The following DAAM2 variants were observed in gnomAD, a reference collection of about 807,000 sequenced individuals.
DAAM2 encodes the protein dishevelled associated activator of morphogenesis 2, also known as disheveled-associated activator of morphogenesis 2.
DAAM2 carries 39 observed loss-of-function variants against 120.7 expected under a neutral mutation model. The ratio of observed to expected loss-of-function variants is 0.32; its 90% CI spans 0.25 to 0.42. DAAM2 has a LOEUF of 0.42. DAAM2 is among the 10% of genes least tolerant of loss of function. DAAM2 has a pLI of 1.00. For synonymous variants in DAAM2, 488 were observed against 524.9 expected (o/e 0.93, Z 0.96); for missense variants, 1,283 against 1,401.7 (o/e 0.92, Z 1.35).
intron 2 of DAAM2, among the ~76,000 whole-genome samples, chr6:39,857,668 T>C (rs867497313): frequency 6.6e-6 from 1 of 152,302 alleles, no homozygotes; most frequent in Middle Eastern, 3.4e-3. Flanking sequence ...ATTCAACAGA[T>C]ATTTACTGAG....
chr6:39,837,663 C>CAA (rs758751293), intron 1 of DAAM2, among the ~76,000 whole-genome samples: 962 of 40,332 alleles, frequency 0.024, 32 homozygotes, highest in Non-Finnish European at 0.032. Flanking sequence ...AACTCCATCT[C>CAA]AAAAAAAAAA....
At chr6:39,894,623 T>A (rs57077075) in intron 19 of DAAM2, among the ~76,000 whole-genome samples, 13,579 of 151,662 alleles carry the variant, frequency 0.09, 1,241 homozygotes, top group East Asian at 0.25. Context: ...TTTAAATTTT[T>A]ACCTATTTTC....
At chr6:39,889,560 G>A (rs1424575732) in intron 17 of DAAM2, among the ~76,000 whole-genome samples, 5 of 152,070 alleles carry the variant, frequency 3.3e-5, no homozygotes, top group African/African-American at 1.2e-4. Flanking sequence ...ATAACTCCAG[G>A]GAAATGAGTA....
chr6:39,800,415 C>T (rs542761193), intron 1 of DAAM2, among the ~76,000 whole-genome samples: 1 of 152,112 alleles, frequency 6.6e-6, no homozygotes, highest in Admixed American at 6.5e-5. Flanking sequence ...ACTGAATATG[C>T]GGGAAACATA....
At position 39,901,551 on chromosome 6, in the gene DAAM2, G is replaced by A; in HGVS notation, c.2982+79G>A. On this transcript the variant is annotated intron_variant, in intron 24 of 24. Coordinates refer to ENST00000274867, the MANE Select transcript of DAAM2 (RefSeq NM_001201427.2). The surrounding 1 kb of genome is among the most constrained non-coding windows in gnomAD (Gnocchi z 4.5). ...GAACACCCCCAAACTGGGGTGTGTG[G>A]GAGGAGGGCAGAGACTGAGGAACTG... The A allele has an allele frequency of 6.8e-7, 1 of 1,477,130 alleles. No individual in the cohort carries two copies. The highest frequency in any genetic ancestry group is 9.1e-7 in the Non-Finnish European group (1 of 1,095,906). The allele number at this position is 1,477,130 out of a possible 1,614,324, so 91.5% of individuals were successfully genotyped here. A position where few individuals can be genotyped will look rare whatever the true frequency, so the allele number is the denominator to read the frequency against.
chr6:39,832,068 G>A (rs1762933915), intron 1 of DAAM2, among the ~76,000 whole-genome samples: 1 of 150,386 alleles, frequency 6.6e-6, no homozygotes, highest in South Asian at 2.1e-4. Flanking sequence ...GGTGTACTGA[G>A]GGAGTAGGTG....
chr6:39,868,799 G>C, intron 6 of DAAM2, 24 bp from the exon 7 acceptor site: 1 of 1,541,664 alleles, frequency 6.5e-7, no homozygotes, highest in Non-Finnish European at 8.8e-7. Flanking sequence ...CTCTCCTCCT[G>C]CTCTGTCCTG....
At chr6:39,805,747 G>C (rs925680441) in intron 1 of DAAM2, among the ~76,000 whole-genome samples, 1 of 152,004 alleles carries the variant, frequency 6.6e-6, no homozygotes, top group African/African-American at 2.4e-5. Flanking sequence ...TAGAGACGGG[G>C]TTTCACCATG....
chr6:39,898,863 G>A lies in DAAM2; in HGVS notation c.2619-14G>A, dbSNP rs1024742281. 1.9e-6 allele frequency: 3 copies of A among 1,609,516 alleles called. No individual in the cohort carries two copies. The highest frequency in any genetic ancestry group is 2.5e-6 in the Non-Finnish European group (3 of 1,177,208). ...TGATGGTCCTCATTCCCTTCCCTCTGTGTCTCCTTACAGCCTAGCAGAACT... is the reference window on the plus strand; with the variant it reads ...TGATGGTCCTCATTCCCTTCCCTCTATGTCTCCTTACAGCCTAGCAGAACT... On this transcript the variant is annotated splice_polypyrimidine_tract_variant and intron_variant, in intron 21 of 24. Transcript: ENST00000274867.
chr6:39,851,783 G>A (rs1417621479), intron 1 of DAAM2, among the ~76,000 whole-genome samples: 1 of 152,202 alleles, frequency 6.6e-6, no homozygotes, highest in Non-Finnish European at 1.5e-5. Context: ...AAAGGTCAGA[G>A]CTGGGAAAGT....
At position 39,842,834 on chromosome 6, in the gene DAAM2, G is replaced by T. The variant is rs372398432; in HGVS notation, c.-56-13413G>T. On this transcript the variant is annotated intron_variant, in intron 1 of 24. Coordinates refer to ENST00000274867, the MANE Select transcript of DAAM2 (RefSeq NM_001201427.2). ...GCAGTGGGGATGGATGAGAGAAGAG[G>T]GGGAGGAAGCAGGGGAGGTGGGCAT... Among the ~76,000 whole-genome samples, 10 of 151,978 alleles carry T rather than the reference G, an allele frequency of 6.6e-5. No individual in the cohort carries two copies. The South Asian group carries it at 1.5e-3, about 22-fold the overall frequency.
intron 1 of DAAM2, among the ~76,000 whole-genome samples, chr6:39,797,079 A>G (rs1337384867): frequency 6.6e-6 from 1 of 152,192 alleles, no homozygotes; most frequent in Non-Finnish European, 1.5e-5. Flanking sequence ...CCCTTTATAC[A>G]AAAGTGGGGC....
chr6:39,843,724 T>C (rs1257044331), intron 1 of DAAM2, among the ~76,000 whole-genome samples: 2 of 152,208 alleles, frequency 1.3e-5, no homozygotes, highest in East Asian at 1.9e-4. Flanking sequence ...AGCCTGGACC[T>C]TTCTGTGACT....
intron 5 of DAAM2, chr6:39,867,279 C>T (rs924351426): frequency 7.3e-6 from 4 of 545,148 alleles, no homozygotes; most frequent in African/African-American, 1.9e-5. Flanking sequence ...ACCATTTTAG[C>T]TATGCAACTG....
At chr6:39,866,119 C>T (rs1392261797) in intron 5 of DAAM2, among the ~76,000 whole-genome samples, 1 of 152,178 alleles carries the variant, frequency 6.6e-6, no homozygotes, top group Non-Finnish European at 1.5e-5. Flanking sequence ...CTAGAAACAG[C>T]CTCAAGAAGA....
At chr6:39,866,564 G>A (rs1764441057) in intron 5 of DAAM2, among the ~76,000 whole-genome samples, 1 of 152,196 alleles carries the variant, frequency 6.6e-6, no homozygotes. Context: ...GCGCCTAGGT[G>A]AAACTTATGG....
chr6:39,861,475 C>CT (rs1391057257), intron 3 of DAAM2: 2 of 291,216 alleles, frequency 6.9e-6, no homozygotes, highest in Admixed American at 8.5e-5. Flanking sequence ...CATATCCTCC[C>CT]TCTCTTCTTG....
intron 1 of DAAM2, among the ~76,000 whole-genome samples, chr6:39,849,231 T>TA (rs2149269862): frequency 6.6e-6 from 1 of 152,324 alleles, no homozygotes; most frequent in Non-Finnish European, 1.5e-5. Context: ...AGACAATACT[T>TA]AAATGAATGT....
At chr6:39,882,940 T>C (rs1471249602) in intron 14 of DAAM2, among the ~76,000 whole-genome samples, 3 of 152,000 alleles carry the variant, frequency 2.0e-5, no homozygotes, top group Non-Finnish European at 4.4e-5. Flanking sequence ...AAAATAACAG[T>C]GAGTGAAAGG....
Sources: allele counts gnomAD v4.1 joint callset (sites outside exome capture counted in the v4.1 genomes callset), GRCh38; gene constraint gnomAD v4.1.1; non-coding constraint Gnocchi (gnomAD v3.1); transcripts MANE v1.5; gene names NCBI Gene and HGNC (gene_info 2026-07-23, HGNC 2026-07-21).